NSUN2: variants seen among roughly 807,000 people sequenced by gnomAD.
NSUN2 encodes NOP2/Sun RNA methyltransferase 2.
Under a neutral mutation model 92.7 loss-of-function variants are expected in NSUN2, and 63 were observed. The observed-to-expected ratio is 0.68, with a 90% CI of 0.56 to 0.84. NSUN2 has a LOEUF of 0.84. NSUN2 is among the 40% of genes least tolerant of loss of function. The probability of loss-of-function intolerance (pLI) is 0.00; values close to 1 mark genes in which losing one functional copy is unlikely to be tolerated. For missense variants in NSUN2, 989 were observed against 964.9 expected, an observed-to-expected ratio of 1.02 and a Z score of -0.33; for synonymous variants, 356 against 348.3, an observed-to-expected ratio of 1.02 and a Z score of -0.25.
chr5:6,611,626 T>C (rs945785572), intron 10 of NSUN2, 99 bp downstream of exon 10: 1 of 879,858 alleles, frequency 1.1e-6, no homozygotes, highest in East Asian at 2.6e-5. Context: ...AGATGTAGTA[T>C]TTATTCAAGT....
chr5:6,624,132 A>G (rs775820369), intron 4 of NSUN2, among the ~76,000 whole-genome samples: 6 of 152,174 alleles, frequency 3.9e-5, no homozygotes, highest in Non-Finnish European at 8.8e-5. Context: ...TTTTCACCTC[A>G]TGGGTTTCTG....
At chr5:6,630,812 T>C (rs910841822) in intron 3 of NSUN2, among the ~76,000 whole-genome samples, 2 of 152,150 alleles carry the variant, frequency 1.3e-5, no homozygotes, top group African/African-American at 2.4e-5. Flanking sequence ...ACGCTTAATT[T>C]GGCAGGGCGC....
At chr5:6,622,493 G>C (rs1429171566) in intron 5 of NSUN2, among the ~76,000 whole-genome samples, 1 of 152,148 alleles carries the variant, frequency 6.6e-6, no homozygotes, top group Non-Finnish European at 1.5e-5. Context: ...AAATGGAGAT[G>C]GTGACAGTAT....
chr5:6,628,447 T>C (rs1560985921), intron 3 of NSUN2, among the ~76,000 whole-genome samples: 1 of 152,246 alleles, frequency 6.6e-6, no homozygotes, highest in Non-Finnish European at 1.5e-5. Flanking sequence ...TTTAGGATAA[T>C]TTCTCATTGT....
chr5:6,604,761 G>A, intron 15 of NSUN2, 76 bp from the exon 16 acceptor site: 2 of 1,217,210 alleles, frequency 1.6e-6, no homozygotes, highest in South Asian at 1.2e-5. Flanking sequence ...CGGGCCACAT[G>A]GAGCAACCGT....
intron 4 of NSUN2, among the ~76,000 whole-genome samples, chr5:6,625,271 G>T (rs1003503000): frequency 6.6e-6 from 1 of 152,164 alleles, no homozygotes. Flanking sequence ...AAGGAAATGA[G>T]AGTGCAGTGC....
At chr5:6,627,451 G>A (rs1266096911) in intron 3 of NSUN2, among the ~76,000 whole-genome samples, 1 of 152,188 alleles carries the variant, frequency 6.6e-6, no homozygotes, top group Non-Finnish European at 1.5e-5. Flanking sequence ...ATGCCATTTA[G>A]ACTTATTGTA....
At chr5:6,622,638 G>A (rs1020656335) in intron 5 of NSUN2, among the ~76,000 whole-genome samples, 3 of 151,926 alleles carry the variant, frequency 2.0e-5, no homozygotes, top group Admixed American at 6.6e-5. Flanking sequence ...GCCTGAGGTC[G>A]GGAGTTCGAG....
At chr5:6,610,022 G>A in intron 11 of NSUN2, 100 bp from the exon 12 acceptor site, 2 of 803,776 alleles carry the variant, frequency 2.5e-6, no homozygotes, top group Non-Finnish European at 3.8e-6. Context: ...GAAAAATCAT[G>A]TCTTCGACCC....
chr5:6,609,969 A>G (rs190652460), intron 11 of NSUN2, 47 bp from the exon 12 acceptor site: 8 of 1,274,244 alleles, frequency 6.3e-6, no homozygotes, highest in Non-Finnish European at 7.7e-6. Flanking sequence ...TCAAAAATGC[A>G]TTCTTTTACT....
chr5:6,611,389 G>C (rs1736982224), intron 10 of NSUN2, among the ~76,000 whole-genome samples: 1 of 137,004 alleles, frequency 7.3e-6, no homozygotes, highest in African/African-American at 2.8e-5. Flanking sequence ...GCTGTTTCTG[G>C]CCTAAAATTG....
intron 14 of NSUN2, among the ~76,000 whole-genome samples, chr5:6,605,763 T>C (rs1415111135): frequency 6.6e-6 from 1 of 151,738 alleles, no homozygotes; most frequent in Non-Finnish European, 1.5e-5. Context: ...AGTGGCGCAG[T>C]CTCAGCTCAC....
chr5:6,627,469 G>C (rs941389076), intron 3 of NSUN2, among the ~76,000 whole-genome samples: 2 of 152,148 alleles, frequency 1.3e-5, no homozygotes, highest in Non-Finnish European at 2.9e-5. Flanking sequence ...GTAAAGAGCT[G>C]AATTTTCATT....
At position 6,629,645 on chromosome 5, in the gene NSUN2, G is replaced by A. The variant is rs1737792250; in HGVS notation, c.359+2228C>T. On this transcript the variant is annotated intron_variant, in intron 3 of 18. Transcript: ENST00000264670. ...CATGCCCGAGGAGAATCGTAATCCT[G>A]TCTTCTTAAAATATTTTAGATGGTT... Among the ~76,000 whole-genome samples the A allele has an allele frequency of 3.9e-5, 6 of 152,284 alleles. No homozygotes were observed. In the South Asian group the frequency reaches 1.2e-3, roughly 32 times the overall value.
intron 3 of NSUN2, among the ~76,000 whole-genome samples, chr5:6,630,467 G>C: frequency 6.6e-6 from 1 of 152,230 alleles, no homozygotes; most frequent in South Asian, 2.1e-4. Context: ...CACCATGCCT[G>C]TCTAATTTTT....
chr5:6,600,279 C>A, intron 18 of NSUN2, 47 bp from the exon 19 acceptor site: 1 of 1,542,550 alleles, frequency 6.5e-7, no homozygotes, highest in Non-Finnish European at 8.8e-7. Context: ...ATTCCCATAA[C>A]TAAATCGAAT....
rs139362426 is a variant in NSUN2, at chr5:6,611,528, A to C, written c.1095+197T>G. On this transcript the variant is annotated intron_variant, in intron 10 of 18. Transcript: ENST00000264670. The stretch of plus-strand genomic sequence containing the variant: ...TATTTCTGTACGTGGAGAAAAAAAA[A>C]CTTTTCCACTGCCAGGAATAAACAT... Among the ~76,000 whole-genome samples, 510 of 151,514 alleles carry C rather than the reference A, an allele frequency of 3.4e-3. 5 individuals are homozygous for C. Among genetic ancestry groups the C allele is most frequent in the Non-Finnish European group, 4.3e-3 (290 of 67,910 alleles).
intron 11 of NSUN2, among the ~76,000 whole-genome samples, chr5:6,610,235 TG>T (rs1736931992): frequency 6.6e-6 from 1 of 151,800 alleles, no homozygotes; most frequent in South Asian, 2.1e-4. Flanking sequence ...GGCCAGTTTT[TG>T]TATTTTTCTT....
intron 3 of NSUN2, among the ~76,000 whole-genome samples, chr5:6,627,635 G>A (rs1451090079): frequency 6.6e-6 from 1 of 152,156 alleles, no homozygotes; most frequent in African/African-American, 2.4e-5. Flanking sequence ...CTCATGTAAA[G>A]AAACATTTAG....
Sources: allele counts gnomAD v4.1 joint callset (sites outside exome capture counted in the v4.1 genomes callset), GRCh38; gene constraint gnomAD v4.1.1; transcripts MANE v1.5; gene names NCBI Gene and HGNC (gene_info 2026-07-23, HGNC 2026-07-21).